The following TENM4 variants were observed in gnomAD, a reference collection of about 807,000 sequenced individuals.
TENM4 encodes teneurin transmembrane protein 4, also known as teneurin-4.
Under a neutral mutation model 243.3 loss-of-function variants are expected in TENM4, and 82 were observed. The ratio of observed to expected loss-of-function variants is 0.34; its 90% CI spans 0.28 to 0.40. The LOEUF is 0.40. TENM4 is among the 10% of genes least tolerant of loss of function. The pLI, the probability that TENM4 is intolerant of heterozygous loss-of-function variation, is 1.00. For missense variants in TENM4, 3,138 were observed against 3,673.3 expected (o/e 0.85, Z 3.77); for synonymous variants, 1,412 against 1,456.3 (o/e 0.97, Z 0.69).
At chr11:79,158,902 C>A (rs1264109569) in intron 3 of TENM4, among the ~76,000 whole-genome samples, 1 of 152,170 alleles carries the variant, frequency 6.6e-6, no homozygotes, top group Non-Finnish European at 1.5e-5. Flanking sequence ...CAGACCATCA[C>A]CTCTATTGGA....
intron 4 of TENM4, among the ~76,000 whole-genome samples, chr11:79,089,559 C>T (rs1297936604): frequency 6.6e-6 from 1 of 152,162 alleles, no homozygotes; most frequent in Non-Finnish European, 1.5e-5. Flanking sequence ...CACAGCACTG[C>T]CAATCACACT....
At chr11:78,802,942 T>C (rs1047706108) in intron 15 of TENM4, among the ~76,000 whole-genome samples, 1 of 152,212 alleles carries the variant, frequency 6.6e-6, no homozygotes, top group African/African-American at 2.4e-5. Context: ...TTTGTTAATA[T>C]CAAGTGCTCT....
At chr11:78,903,126 G>A (rs1185134678) in intron 7 of TENM4, 142 bp downstream of exon 7, 9 of 1,203,862 alleles carry the variant, frequency 7.5e-6, no homozygotes, top group Middle Eastern at 2.9e-4. Context: ...TCAGGGAACC[G>A]CATCCCTAAA....
At chr11:78,846,729 T>C (rs1858403271) in intron 12 of TENM4, among the ~76,000 whole-genome samples, 1 of 142,894 alleles carries the variant, frequency 7.0e-6, no homozygotes, top group Non-Finnish European at 1.6e-5. Context: ...CCAAGTACCA[T>C]GTCTGCCTCC....
chr11:78,922,004 T>G (rs975801753), intron 6 of TENM4, among the ~76,000 whole-genome samples: 1 of 152,218 alleles, frequency 6.6e-6, no homozygotes, highest in Admixed American at 6.5e-5. Context: ...CCTAACCAGA[T>G]GCAGTGTGGG....
At chr11:78,895,763 T>C (rs186948988) in intron 7 of TENM4, among the ~76,000 whole-genome samples, 1 of 152,160 alleles carries the variant, frequency 6.6e-6, no homozygotes, top group East Asian at 1.9e-4. Context: ...TTTACAGATA[T>C]GGAAACTAAG....
intron 3 of TENM4, among the ~76,000 whole-genome samples, chr11:79,215,180 C>T (rs150743259): frequency 1.5e-3 from 225 of 152,314 alleles, no homozygotes; most frequent in Non-Finnish European, 2.5e-3. Context: ...CCATGTTCCT[C>T]CTCTAGCTTG....
At chr11:78,891,780 C>A (rs188028675) in intron 7 of TENM4, among the ~76,000 whole-genome samples, 22 of 152,254 alleles carry the variant, frequency 1.4e-4, no homozygotes, top group Admixed American at 9.2e-4. Context: ...GCTCAGGTTC[C>A]AAAGCCTGTG....
At chr11:78,770,308 C>T (rs1856621150) in intron 18 of TENM4, among the ~76,000 whole-genome samples, 1 of 152,180 alleles carries the variant, frequency 6.6e-6, no homozygotes, top group Non-Finnish European at 1.5e-5. Flanking sequence ...GGGCCAGCTG[C>T]CTCATTTTAT....
At chr11:79,326,225 C>T (rs146640296) in intron 1 of TENM4, among the ~76,000 whole-genome samples, 44 of 152,280 alleles carry the variant, frequency 2.9e-4, no homozygotes, top group African/African-American at 9.4e-4. Context: ...TCTAGACAGT[C>T]GTGGAAGGCC....
intron 8 of TENM4, 42 bp from the exon 9 acceptor site, chr11:78,890,062 C>T (rs1245734746): frequency 6.8e-7 from 1 of 1,474,710 alleles, no homozygotes; most frequent in East Asian, 2.5e-5. Flanking sequence ...GGGCTGCCCA[C>T]AGACCAGGCA....
chr11:79,273,512 C>T (rs978110697), intron 2 of TENM4, among the ~76,000 whole-genome samples: 2 of 152,190 alleles, frequency 1.3e-5, no homozygotes, highest in Non-Finnish European at 2.9e-5. Flanking sequence ...AGGCCAACCA[C>T]TTTCCTTACA....
chr11:79,031,572 C>T (rs951448058), intron 6 of TENM4, among the ~76,000 whole-genome samples: 6 of 152,154 alleles, frequency 3.9e-5, no homozygotes, highest in South Asian at 4.2e-4. Context: ...TCCAGGCATG[C>T]AACAGGCATG....
At chr11:78,673,389 T>A (rs146682047) in intron 30 of TENM4, among the ~76,000 whole-genome samples, 13 of 152,270 alleles carry the variant, frequency 8.5e-5, no homozygotes, top group African/African-American at 3.1e-4. Context: ...CCACTAGTCA[T>A]TGCTTAAGGT....
In TENM4 at chr11:78,864,290, C is replaced by T. The variant is rs981822632; in HGVS notation, c.1085-1158G>A. Among the ~76,000 whole-genome samples the T allele has an allele frequency of 2.6e-5, 4 of 151,448 alleles. No individual in the cohort carries two copies. In the East Asian group the frequency reaches 5.8e-4, roughly 22 times the overall value. On this transcript the variant is annotated intron_variant, in intron 9 of 33. Coordinates refer to ENST00000278550, the MANE Select transcript of TENM4 (RefSeq NM_001098816.3). ...ATATTTTTCCATACAAAAAATTAGCCGGGCGTAGTGGCGGGCGCCTGTAGT... is the reference window on the plus strand; with the variant it reads ...ATATTTTTCCATACAAAAAATTAGCTGGGCGTAGTGGCGGGCGCCTGTAGT...
At chr11:78,783,149 A>G (rs1201328870) in intron 16 of TENM4, among the ~76,000 whole-genome samples, 1 of 152,180 alleles carries the variant, frequency 6.6e-6, no homozygotes, top group Non-Finnish European at 1.5e-5. Flanking sequence ...GTTTTCAAAG[A>G]AATAGGAAAA....
intron 1 of TENM4, among the ~76,000 whole-genome samples, chr11:79,338,629 C>T (rs1382334404): frequency 1.3e-5 from 2 of 152,232 alleles, no homozygotes; most frequent in Non-Finnish European, 2.9e-5. Context: ...CTCACAGAAG[C>T]TCCCCAAACT....
At position 79,219,782 on chromosome 11, in the gene TENM4, C is replaced by G. The variant is rs117197644; in HGVS notation, c.-264-3873G>C. 7.5e-3 allele frequency among the ~76,000 whole-genome samples: 1,135 copies of G among 152,322 alleles called. 9 individuals are homozygous for G. Among genetic ancestry groups the G allele is most frequent in the Non-Finnish European group, 0.013 (854 of 68,024 alleles). ...TGTCCACCGGTATGTGGAGCTTGAT[C>G]ATTTCCTGGGCTGCCTTTCAGGAAG... On this transcript the variant is annotated intron_variant, in intron 2 of 33. Coordinates refer to ENST00000278550, the MANE Select transcript of TENM4 (RefSeq NM_001098816.3).
chr11:79,315,989 A>G (rs1046670985), intron 1 of TENM4, among the ~76,000 whole-genome samples: 12 of 152,240 alleles, frequency 7.9e-5, no homozygotes, highest in Admixed American at 7.9e-4. Context: ...ACCTAATAGT[A>G]AGAGCAAGTA....
Sources: allele counts gnomAD v4.1 joint callset (sites outside exome capture counted in the v4.1 genomes callset), GRCh38; gene constraint gnomAD v4.1.1; transcripts MANE v1.5; gene names NCBI Gene and HGNC (gene_info 2026-07-23, HGNC 2026-07-21).